Variants in FERMT2 observed in about 807,000 individuals in gnomAD.
FERMT2 encodes the protein FERM domain containing kindlin 2, also known as fermitin family homolog 2.
FERMT2 carries 15 observed loss-of-function variants against 82.7 expected under a neutral mutation model. The ratio of observed to expected loss-of-function variants is 0.18; its 90% CI spans 0.12 to 0.28. The LOEUF is 0.28. FERMT2 is among the 10% of genes least tolerant of loss of function. FERMT2 has a pLI of 1.00. For synonymous variants in FERMT2, 274 were observed against 271.5 expected (o/e 1.01, Z -0.09); for missense variants, 645 against 809.4 (o/e 0.80, Z 2.46).
At chr14:52,879,255 A>T (rs142771767) in intron 6 of FERMT2, among the ~76,000 whole-genome samples, 2 of 152,360 alleles carry the variant, frequency 1.3e-5, no homozygotes, top group East Asian at 1.9e-4. Context: ...TTATTCAATT[A>T]TCCATTTAAT....
chr14:52,912,511 C>CTTTT (rs1252702778), intron 3 of FERMT2, among the ~76,000 whole-genome samples: 4 of 139,270 alleles, frequency 2.9e-5, no homozygotes, highest in African/African-American at 2.7e-5. Flanking sequence ...CAGATCACTA[C>CTTTT]TTTTTTTTTT....
At chr14:52,948,299 C>G (rs1374659147) in intron 2 of FERMT2, among the ~76,000 whole-genome samples, 1 of 152,220 alleles carries the variant, frequency 6.6e-6, no homozygotes, top group Non-Finnish European at 1.5e-5. Flanking sequence ...TTACAAAGTT[C>G]TTTTCTAATT....
At chr14:52,868,806 C>T (rs1450836401) in intron 10 of FERMT2, among the ~76,000 whole-genome samples, 2 of 152,074 alleles carry the variant, frequency 1.3e-5, no homozygotes, top group South Asian at 2.1e-4. Flanking sequence ...ACAACATAGT[C>T]TCAAAAAACG....
intron 3 of FERMT2, among the ~76,000 whole-genome samples, chr14:52,910,884 G>A (rs915713358): frequency 2.0e-5 from 3 of 152,074 alleles, no homozygotes; most frequent in Admixed American, 6.6e-5. Flanking sequence ...TGCTCGTACA[G>A]TAAGTAAGCA....
At chr14:52,880,002 G>A (rs111790737) in intron 6 of FERMT2, among the ~76,000 whole-genome samples, 3,022 of 152,232 alleles carry the variant, frequency 0.02, 89 homozygotes, top group African/African-American at 0.068. Flanking sequence ...GGCTCAGGCC[G>A]GTAATCCCAG....
At chr14:52,935,241 A>G (rs761393219) in intron 2 of FERMT2, among the ~76,000 whole-genome samples, 9 of 152,252 alleles carry the variant, frequency 5.9e-5, no homozygotes, top group African/African-American at 9.6e-5. Context: ...CAAAGTTTAC[A>G]TATCATTCAA....
At chr14:52,901,793 A>G (rs1336169667) in intron 3 of FERMT2, among the ~76,000 whole-genome samples, 1 of 152,180 alleles carries the variant, frequency 6.6e-6, no homozygotes, top group Non-Finnish European at 1.5e-5. Flanking sequence ...CCCTGCTGAC[A>G]CCTTAACTTC....
chr14:52,925,076 T>C (rs1570879), intron 2 of FERMT2, among the ~76,000 whole-genome samples: 1 of 152,020 alleles, frequency 6.6e-6, no homozygotes, highest in African/African-American at 2.4e-5. Flanking sequence ...ATTTTGAAAC[T>C]AACAGTATCT....
At chr14:52,943,389 T>C (rs1890185051) in intron 2 of FERMT2, among the ~76,000 whole-genome samples, 1 of 152,172 alleles carries the variant, frequency 6.6e-6, no homozygotes, top group African/African-American at 2.4e-5. Context: ...ATAAGCCATT[T>C]ATTATATAAT....
intron 3 of FERMT2, among the ~76,000 whole-genome samples, chr14:52,896,307 T>C (rs553797418): frequency 3.0e-4 from 45 of 152,348 alleles, no homozygotes; most frequent in African/African-American, 9.4e-4. Flanking sequence ...TGTAAAGCTG[T>C]AGATTGCTAA....
chr14:52,940,284 C>T (rs1424647534), intron 2 of FERMT2, among the ~76,000 whole-genome samples: 4 of 152,236 alleles, frequency 2.6e-5, no homozygotes, highest in East Asian at 3.9e-4. Flanking sequence ...GAAATCAAAA[C>T]GTAAACCTCA....
intron 6 of FERMT2, among the ~76,000 whole-genome samples, chr14:52,879,704 A>G (rs1013485358): frequency 6.6e-6 from 1 of 152,208 alleles, no homozygotes; most frequent in African/African-American, 2.4e-5. Context: ...GAATGTAAAC[A>G]TAACATTAAA....
intron 7 of FERMT2, among the ~76,000 whole-genome samples, chr14:52,875,703 C>A (rs1885912821): frequency 6.6e-6 from 1 of 151,728 alleles, no homozygotes; most frequent in South Asian, 2.1e-4. Flanking sequence ...ATAACAGGGC[C>A]TGTTATCAAG....
chr14:52,919,308 CTCT>C lies in FERMT2; in HGVS notation c.203_205del (p.Lys68del). ...CCAATGTGTCTTCAGAAGCCAAGTT[CTCT>C]TCTTTTCCCACCAGAGAGCATGGTC... On this transcript the variant is annotated inframe_deletion, in exon 3 of 15. Transcript: ENST00000341590. The C allele has an allele frequency of 6.2e-7, 1 of 1,613,964 alleles. No homozygotes were observed. Among genetic ancestry groups the C allele is most frequent in the Non-Finnish European group, 8.5e-7 (1 of 1,179,892 alleles).
At chr14:52,933,767 G>A (rs552205798) in intron 2 of FERMT2, among the ~76,000 whole-genome samples, 3 of 141,292 alleles carry the variant, frequency 2.1e-5, no homozygotes, top group Non-Finnish European at 4.6e-5. Context: ...AAAACTTTCC[G>A]AGTCTGTTAC....
intron 3 of FERMT2, among the ~76,000 whole-genome samples, chr14:52,898,219 A>G (rs1319631584): frequency 6.6e-6 from 1 of 152,212 alleles, no homozygotes; most frequent in Admixed American, 6.5e-5. Flanking sequence ...AAGAGCAGAA[A>G]TCATGTTAAG....
At position 52,886,626 on chromosome 14, in the gene FERMT2, CT is replaced by C. The variant is rs77375022; in HGVS notation, c.527-5158del. ...GACTTCTCTGCTTTGACACAAATCA[CT>C]AAAACACTGATCACCAAAAATCAAA... is the stretch of plus-strand genomic sequence containing the variant. On this transcript the variant is annotated intron_variant, in intron 4 of 14. Coordinates refer to ENST00000341590, the MANE Select transcript of FERMT2 (RefSeq NM_006832.3). Among the ~76,000 whole-genome samples the C allele has an allele frequency of 5.9e-5, 9 of 152,256 alleles. No homozygotes were observed. The East Asian group carries it at 1.3e-3, about 23-fold the overall frequency.
At chr14:52,917,263 C>G (rs1410402208) in intron 3 of FERMT2, among the ~76,000 whole-genome samples, 1 of 151,114 alleles carries the variant, frequency 6.6e-6, no homozygotes, top group Admixed American at 6.6e-5. Context: ...TATATACACA[C>G]AGAGATACGT....
chr14:52,865,393 A>C (rs1024405589), intron 10 of FERMT2, among the ~76,000 whole-genome samples: 1 of 152,232 alleles, frequency 6.6e-6, no homozygotes, highest in African/African-American at 2.4e-5. Flanking sequence ...AGATAATGGC[A>C]TAACAGCTGG....
Sources: allele counts gnomAD v4.1 joint callset (sites outside exome capture counted in the v4.1 genomes callset), GRCh38; gene constraint gnomAD v4.1.1; transcripts MANE v1.5; gene names NCBI Gene and HGNC (gene_info 2026-07-23, HGNC 2026-07-21).